Variants in VPS53 observed in about 807,000 individuals in gnomAD.
VPS53 encodes the protein VPS53 subunit of GARP complex, also known as vacuolar protein sorting-associated protein 53 homolog.
VPS53 carries 70 observed loss-of-function variants against 107.0 expected under a neutral mutation model. The observed-to-expected ratio is 0.65, with a 90% CI of 0.54 to 0.80. The LOEUF is 0.80. VPS53 is among the 30% of genes least tolerant of loss of function. The probability of loss-of-function intolerance (pLI) is 0.00; values close to 1 mark genes in which losing one functional copy is unlikely to be tolerated. For missense variants in VPS53, 917 were observed against 1,049.4 expected (o/e 0.87, Z 1.74); for synonymous variants, 409 against 393.3 (o/e 1.04, Z -0.47).
At chr17:613,755 T>A (rs1969008056) in intron 11 of VPS53, among the ~76,000 whole-genome samples, 1 of 151,904 alleles carries the variant, frequency 6.6e-6, no homozygotes, top group Non-Finnish European at 1.5e-5. Context: ...CATAGCAGTA[T>A]TCAAATAGTG....
chr17:599,193 C>A (rs1222026498), intron 12 of VPS53, among the ~76,000 whole-genome samples: 1 of 151,548 alleles, frequency 6.6e-6, no homozygotes, highest in Admixed American at 6.6e-5. Context: ...TCTGCCCGGC[C>A]GCCCCTACTG....
intron 14 of VPS53, among the ~76,000 whole-genome samples, chr17:561,105 T>C (rs1912925259): frequency 6.6e-6 from 1 of 152,160 alleles, no homozygotes. Context: ...GAGGAGGATA[T>C]AAGCGAATGT....
At chr17:696,583 G>A (rs1487131735) in intron 4 of VPS53, among the ~76,000 whole-genome samples, 3 of 152,160 alleles carry the variant, frequency 2.0e-5, no homozygotes, top group Non-Finnish European at 4.4e-5. Flanking sequence ...CAGCCATTCT[G>A]AAATACGATG....
chr17:640,437 G>C (rs1364674735), intron 7 of VPS53, among the ~76,000 whole-genome samples: 1 of 152,122 alleles, frequency 6.6e-6, no homozygotes, highest in African/African-American at 2.4e-5. Context: ...GCCCCAATGA[G>C]ATGAACCTGG....
chr17:644,598 T>C (rs77692963), intron 7 of VPS53, among the ~76,000 whole-genome samples: 3,397 of 122,682 alleles, frequency 0.028, 45 homozygotes, highest in East Asian at 0.073. Context: ...TTTTTTTTTT[T>C]CCCCCGAGAC....
intron 17 of VPS53, among the ~76,000 whole-genome samples, chr17:542,038 G>A (rs1910733203): frequency 6.9e-6 from 1 of 145,406 alleles, no homozygotes; most frequent in Non-Finnish European, 1.5e-5. Context: ...CGCACCAGGG[G>A]CTGAAGGAAT....
rs73281400 is a variant in VPS53, at chr17:677,400, A to G, written c.286-15505T>C. ...TATATTAATATAAAGTTCCCAGAAT[A>G]GGCAAATTCATAGAGACAGAAAGTA... On this transcript the variant is annotated intron_variant, in intron 4 of 21. Coordinates refer to ENST00000437048, the MANE Select transcript of VPS53 (RefSeq NM_001128159.3). Among the ~76,000 whole-genome samples, 1,513 of 152,334 alleles carry G rather than the reference A, an allele frequency of 9.9e-3. 25 individuals are homozygous for G. The highest frequency in any genetic ancestry group is 0.034 in the African/African-American group (1,415 of 41,574).
chr17:625,781 G>A (rs1969684186), intron 10 of VPS53, among the ~76,000 whole-genome samples: 1 of 152,148 alleles, frequency 6.6e-6, no homozygotes, highest in African/African-American at 2.4e-5. Flanking sequence ...CAATGTGTTT[G>A]AAACATGCAA....
In VPS53 at chr17:651,059, A is replaced by G. The variant is rs562122089; in HGVS notation, c.608+2232T>C. Among the ~76,000 whole-genome samples the G allele has an allele frequency of 4.6e-5, 7 of 152,358 alleles. No homozygotes were observed. The South Asian group carries it at 1.4e-3, about 32-fold the overall frequency. On this transcript the variant is annotated intron_variant, in intron 7 of 21. Coordinates refer to ENST00000437048, the MANE Select transcript of VPS53 (RefSeq NM_001128159.3). ...TAAATACACACACAAATCCGGAGAGATAGGATTAAAACTATAGATTTATGT... is the reference window on the plus strand; with the variant it reads ...TAAATACACACACAAATCCGGAGAGGTAGGATTAAAACTATAGATTTATGT...
intron 11 of VPS53, among the ~76,000 whole-genome samples, chr17:602,629 C>T (rs60711174): frequency 0.021 from 3,214 of 152,254 alleles, 43 homozygotes; most frequent in East Asian, 0.069. Flanking sequence ...TCCAACCGTG[C>T]GGCACTGGCC....
At chr17:550,967 T>A (rs1006877798) in intron 17 of VPS53, among the ~76,000 whole-genome samples, 6 of 152,178 alleles carry the variant, frequency 3.9e-5, no homozygotes, top group African/African-American at 1.2e-4. Flanking sequence ...GAATGAAGAA[T>A]GAGTCAGAAG....
intron 13 of VPS53, among the ~76,000 whole-genome samples, chr17:573,597 T>C (rs1156364485): frequency 1.3e-5 from 2 of 152,190 alleles, no homozygotes; most frequent in Non-Finnish European, 2.9e-5. Context: ...GGGCAGGCAC[T>C]GTTCCTGAGC....
chr17:518,826 G>T lies in VPS53; in HGVS notation c.*302C>A. On this transcript the variant is annotated 3_prime_UTR_variant, in exon 22 of 22. Transcript: ENST00000437048. ...TGGGGCCCACGTGTCAAGAGGGTGT[G>T]ACTGCCATGGGGAGGCTACATGAGT... 1 of 240,114 alleles carries T rather than the reference G, an allele frequency of 4.2e-6. No individual in the cohort carries two copies. The allele number at this position is 240,114 out of a possible 1,614,324, so 14.9% of individuals were successfully genotyped here. A position where few individuals can be genotyped will look rare whatever the true frequency, so the allele number is the denominator to read the frequency against.
At chr17:529,054 TTGA>T (rs1311663908) in intron 19 of VPS53, among the ~76,000 whole-genome samples, 1 of 152,226 alleles carries the variant, frequency 6.6e-6, no homozygotes, top group Non-Finnish European at 1.5e-5. Context: ...CTCTTTGGAA[TTGA>T]TTTTTATATA....
chr17:516,730 C>G lies in VPS53; in HGVS notation c.*2398G>C, dbSNP rs1908340863. The G allele has an allele frequency of 6.6e-6, 1 of 152,238 alleles. No homozygotes were observed. The highest frequency in any genetic ancestry group is 2.4e-5 in the African/African-American group (1 of 41,448). 9.4% of individuals were successfully genotyped at this position (152,238 alleles called of 1,614,324 possible). The stretch of plus-strand genomic sequence containing the variant: ...CCCCCAGAAGAGAAACACAGCGTCT[C>G]TACACAGTACTGAGTCCCCATCAAG... On this transcript the variant is annotated 3_prime_UTR_variant, in exon 22 of 22. Transcript: ENST00000437048.
intron 7 of VPS53, among the ~76,000 whole-genome samples, chr17:632,130 A>C (rs1969991787): frequency 6.6e-6 from 1 of 152,066 alleles, no homozygotes; most frequent in Non-Finnish European, 1.5e-5. Context: ...GGGGGCACAC[A>C]CCTGTACTCG....
chr17:615,248 G>A (rs1046478639), intron 11 of VPS53, among the ~76,000 whole-genome samples: 2 of 152,202 alleles, frequency 1.3e-5, no homozygotes, highest in Admixed American at 6.5e-5. Flanking sequence ...AGGACATCGT[G>A]AAACTGGTTA....
intron 4 of VPS53, among the ~76,000 whole-genome samples, chr17:681,671 T>C (rs1439384437): frequency 6.6e-6 from 1 of 151,968 alleles, no homozygotes; most frequent in Non-Finnish European, 1.5e-5. Context: ...CTGCTATTAA[T>C]ATAACCAAAT....
intron 19 of VPS53, among the ~76,000 whole-genome samples, chr17:522,715 A>C (rs750346125): frequency 2.0e-5 from 3 of 152,258 alleles, no homozygotes; most frequent in Non-Finnish European, 4.4e-5. Context: ...TCCTGGCAAC[A>C]ATCTACCTTT....
Sources: allele counts gnomAD v4.1 joint callset (sites outside exome capture counted in the v4.1 genomes callset), GRCh38; gene constraint gnomAD v4.1.1; transcripts MANE v1.5; gene names NCBI Gene and HGNC (gene_info 2026-07-23, HGNC 2026-07-21).